The following SASH1 variants were observed in gnomAD, a reference collection of about 807,000 sequenced individuals.
The protein encoded by SASH1 is SAM and SH3 domain containing 1.
Under a neutral mutation model 125.2 loss-of-function variants are expected in SASH1, and 44 were observed. The ratio of observed to expected loss-of-function variants is 0.35; its 90% confidence interval spans 0.28 to 0.45. The LOEUF is 0.45. Among genes scored for constraint, SASH1 ranks in the 20% least tolerant of loss-of-function variants. SASH1 has a pLI of 1.00. For missense variants in SASH1, 1,426 were observed against 1,614.5 expected (o/e 0.88, Z 2.00); for synonymous variants, 639 against 649.1 (o/e 0.98, Z 0.24).
intron 1 of SASH1, among the ~76,000 whole-genome samples, chr6:148,277,394 C>T (rs1204490967): frequency 6.6e-6 from 1 of 152,198 alleles, no homozygotes; most frequent in Non-Finnish European, 1.5e-5. Context: ...TTGGGTTCAC[C>T]GTGCTCCGAC....
chr6:148,354,362 TTTAC>T (rs1405481416), intron 1 of SASH1, among the ~76,000 whole-genome samples: 2 of 152,348 alleles, frequency 1.3e-5, no homozygotes, highest in African/African-American at 4.8e-5. Context: ...TTTTGAATAG[TTTAC>T]TTATTTAGAA....
upstream of SASH1, among the ~76,000 whole-genome samples, chr6:148,269,270 C>T (rs545141973): frequency 1.3e-5 from 2 of 152,136 alleles, no homozygotes; most frequent in Admixed American, 6.6e-5. Flanking sequence ...TGTGCCCTCC[C>T]TCTCAATTGG....
chr6:148,243,559 C>T, the SASH1 span, among the ~76,000 whole-genome samples: 1 of 146,250 alleles, frequency 6.8e-6, no homozygotes, highest in Non-Finnish European at 1.5e-5. Context: ...AGGAGAATCG[C>T]TTAAACCCAG....
chr6:148,502,363 AACTT>A (rs1415575909), intron 8 of SASH1, among the ~76,000 whole-genome samples: 2 of 152,218 alleles, frequency 1.3e-5, no homozygotes, highest in East Asian at 1.9e-4. Context: ...AGAAAAAAAA[AACTT>A]ACCCACAGTG....
intron 4 of SASH1, among the ~76,000 whole-genome samples, chr6:148,452,688 A>G (rs1345455192): frequency 2.4e-5 from 3 of 123,080 alleles, no homozygotes; most frequent in Non-Finnish European, 5.5e-5. Flanking sequence ...AGGTGCTCAC[A>G]TTCTGCTGTT....
chr6:148,293,662 C>T (rs547552462), intron 1 of SASH1, among the ~76,000 whole-genome samples: 382 of 152,242 alleles, frequency 2.5e-3, no homozygotes, highest in African/African-American at 7.5e-3. Context: ...ATGCCAGGAT[C>T]TAAATTTTCT....
chr6:148,441,200 A>G (rs1422108187), intron 4 of SASH1, among the ~76,000 whole-genome samples: 1 of 152,236 alleles, frequency 6.6e-6, no homozygotes, highest in Non-Finnish European at 1.5e-5. Context: ...CAAGGGAGGC[A>G]CAGAAGTGGT....
chr6:148,320,708 T>A (rs1780614010), intron 1 of SASH1, among the ~76,000 whole-genome samples: 1 of 152,226 alleles, frequency 6.6e-6, no homozygotes, highest in African/African-American at 2.4e-5. Flanking sequence ...GGTCTGGAAC[T>A]CCTGGGCTCA....
chr6:148,526,376 A>T (rs560195928), intron 11 of SASH1, among the ~76,000 whole-genome samples: 1 of 152,206 alleles, frequency 6.6e-6, no homozygotes, highest in African/African-American at 2.4e-5. Flanking sequence ...TGAGTCTTAC[A>T]TGTAGTTTAG....
At chr6:148,502,232 CT>C (rs1027643817) in intron 8 of SASH1, among the ~76,000 whole-genome samples, 1 of 151,628 alleles carries the variant, frequency 6.6e-6, no homozygotes. Flanking sequence ...GGAATCTCAT[CT>C]TTTTTTTTCC....
intron 8 of SASH1, among the ~76,000 whole-genome samples, chr6:148,496,878 AAAG>A (rs1436443820): frequency 4.0e-5 from 6 of 151,878 alleles, no homozygotes; most frequent in Non-Finnish European, 8.8e-5. Flanking sequence ...GTCTCAAAAA[AAAG>A]AAAAAAAAAA....
Position 148,326,346 on chromosome 6 carries a change from ATATATATATATG to A in SASH1, n.74+53970_74+53981del, listed in dbSNP as rs1780810609. Among the ~76,000 whole-genome samples the A allele has an allele frequency of 4.6e-5, 4 of 86,484 alleles. 1 individual carries two copies. The highest frequency in any genetic ancestry group is 4.3e-4 in the Admixed American group (3 of 6,934). The allele number at this position is 86,484 out of a possible 152,430, so 56.7% of individuals were successfully genotyped here. On this transcript the variant is annotated intron_variant and non_coding_transcript_variant, in intron 1 of 3. Coordinates refer to the SASH1 transcript ENST00000367469. Reference sequence around the variant, plus strand: ...TGCATATATATATATATATATATATATATATATATATGCATATATATATATATACATTCTTTT... The same window carrying A: ...TGCATATATATATATATATATATATACATATATATATATATACATTCTTTT...
chr6:148,203,699 G>A, the SASH1 span, among the ~76,000 whole-genome samples: 1 of 152,202 alleles, frequency 6.6e-6, no homozygotes, highest in Non-Finnish European at 1.5e-5. Context: ...AGCAGCTGCT[G>A]CAGAGCACGA....
At chr6:148,223,705 C>T in the SASH1 span, among the ~76,000 whole-genome samples, 3 of 152,164 alleles carry the variant, frequency 2.0e-5, no homozygotes, top group Admixed American at 6.5e-5. Context: ...CAGGACATAG[C>T]TCATGACTCA....
At chr6:148,524,121 A>ATATATATATATATATATATATAT (rs1193506716) in intron 10 of SASH1, among the ~76,000 whole-genome samples, 3 of 128,610 alleles carry the variant, frequency 2.3e-5, no homozygotes, top group Non-Finnish European at 4.9e-5. Flanking sequence ...ATATATATAT[A>ATATATATATATATATATATATAT]TTTTTTTTAA....
chr6:148,239,108 G>A, the SASH1 span, among the ~76,000 whole-genome samples: 1 of 152,208 alleles, frequency 6.6e-6, no homozygotes, highest in South Asian at 2.1e-4. Context: ...TCATTTTGAG[G>A]GGCTTCTGAA....
the SASH1 span, among the ~76,000 whole-genome samples, chr6:148,234,829 GAA>G: frequency 2.3e-5 from 3 of 128,974 alleles, no homozygotes; most frequent in Admixed American, 7.9e-5. Context: ...CTCCGTTTCA[GAA>G]AAAAAAAAAA....
rs1782771943 is a variant in SASH1 at position 148,549,497 on chromosome 6, G to A, written c.*939G>A. 4 of 397,486 alleles carry A rather than the reference G, an allele frequency of 1.0e-5. No individual in the cohort carries two copies. Among genetic ancestry groups the A allele is most frequent in the Admixed American group, 8.8e-5 (2 of 22,658 alleles). 24.6% of individuals were successfully genotyped at this position (397,486 alleles called of 1,614,324 possible). On this transcript the variant is annotated 3_prime_UTR_variant, in exon 20 of 20. Coordinates refer to ENST00000367467, the MANE Select transcript of SASH1 (RefSeq NM_015278.5). ...GTATCGTTACTGTGTGGATCGTCGC[G>A]CTGCAGTATTGACTTGGAATCCTGA...
intron 16 of SASH1, among the ~76,000 whole-genome samples, chr6:148,535,169 C>CA (rs1781766977): frequency 6.6e-6 from 1 of 152,208 alleles, no homozygotes; most frequent in African/African-American, 2.4e-5. Flanking sequence ...TCAAACAGCA[C>CA]AAAATCATAA....
Sources: allele counts gnomAD v4.1 joint callset (sites outside exome capture counted in the v4.1 genomes callset), GRCh38; gene constraint gnomAD v4.1.1; transcripts MANE v1.5; gene names NCBI Gene and HGNC (gene_info 2026-07-23, HGNC 2026-07-21).